ZMYM4: variants seen among roughly 807,000 people sequenced by gnomAD.
ZMYM4 encodes zinc finger MYM-type containing 4.
Under a neutral mutation model 183.2 loss-of-function variants are expected in ZMYM4, and 31 were observed. The observed-to-expected ratio is 0.17, with a 90% CI of 0.13 to 0.23. The LOEUF (loss-of-function observed/expected upper bound fraction) is 0.23, where lower values mean the gene tolerates loss of function less well. Among genes scored for constraint, ZMYM4 ranks in the 10% least tolerant of loss-of-function variants. The probability of loss-of-function intolerance (pLI) is 1.00; values close to 1 mark genes in which losing one functional copy is unlikely to be tolerated. For synonymous variants in ZMYM4, 592 were observed against 631.2 expected (o/e 0.94, Z 0.93); for missense variants, 1,273 against 1,840.3 (o/e 0.69, Z 5.64).
intron 1 of ZMYM4, among the ~76,000 whole-genome samples, chr1:35,323,927 G>A (rs1249052506): frequency 1.3e-5 from 2 of 152,118 alleles, no homozygotes; most frequent in Admixed American, 6.6e-5. Context: ...GGTAGGTGGA[G>A]TGACCTTCAC....
chr1:35,324,672 C>G (rs1490716952), intron 1 of ZMYM4, among the ~76,000 whole-genome samples: 2 of 152,138 alleles, frequency 1.3e-5, no homozygotes, highest in African/African-American at 2.4e-5. Flanking sequence ...CAAGGTTTAT[C>G]AAGAAGCAGC....
chr1:35,270,637 G>C (rs1639548743), intron 1 of ZMYM4, among the ~76,000 whole-genome samples: 1 of 152,160 alleles, frequency 6.6e-6, no homozygotes, highest in African/African-American at 2.4e-5. Flanking sequence ...GCGGGTGCCT[G>C]TAATCCCAGC....
intron 1 of ZMYM4, among the ~76,000 whole-genome samples, chr1:35,284,127 C>T (rs992824099): frequency 6.6e-6 from 1 of 151,864 alleles, no homozygotes; most frequent in Non-Finnish European, 1.5e-5. Context: ...CAGGTGCCCG[C>T]CACCGCGCCC....
At chr1:35,413,044 G>A (rs950383576) in intron 26 of ZMYM4, among the ~76,000 whole-genome samples, 5 of 151,848 alleles carry the variant, frequency 3.3e-5, no homozygotes, top group Admixed American at 6.6e-5. Context: ...GACCTGCGCC[G>A]TCAGTACTTT....
At chr1:35,381,888 T>C (rs1644465836) in intron 9 of ZMYM4, 130 bp downstream of exon 9, 5 of 1,136,586 alleles carry the variant, frequency 4.4e-6, no homozygotes, top group Non-Finnish European at 4.9e-6. Context: ...CTCACACCTG[T>C]AATCCCAGCA....
At chr1:35,417,244 A>G (rs1368426761) in intron 28 of ZMYM4, among the ~76,000 whole-genome samples, 2 of 151,782 alleles carry the variant, frequency 1.3e-5, no homozygotes, top group African/African-American at 4.8e-5. Context: ...CTCCCAAAAA[A>G]AAAAAAAAAA....
intron 15 of ZMYM4, among the ~76,000 whole-genome samples, chr1:35,391,199 G>C (rs1644697830): frequency 6.6e-6 from 1 of 152,166 alleles, no homozygotes; most frequent in African/African-American, 2.4e-5. Flanking sequence ...AGCAGAGAAG[G>C]GGAAGTCTGC....
chr1:35,274,816 C>T (rs74491319), intron 1 of ZMYM4, among the ~76,000 whole-genome samples: 5,164 of 151,946 alleles, frequency 0.034, 265 homozygotes, highest in East Asian at 0.24. Context: ...AATTATTGTC[C>T]CATTTTATAA....
intron 1 of ZMYM4, among the ~76,000 whole-genome samples, chr1:35,325,097 T>C (rs1314287898): frequency 6.6e-6 from 1 of 152,132 alleles, no homozygotes; most frequent in Non-Finnish European, 1.5e-5. Flanking sequence ...TTTTGTGACA[T>C]GAATGATTAA....
At chr1:35,361,347 G>T in intron 4 of ZMYM4, 92 bp downstream of exon 4, 1 of 1,270,054 alleles carries the variant, frequency 7.9e-7, no homozygotes, top group Admixed American at 2.6e-5. Flanking sequence ...AATGTATTAG[G>T]TAGAGCACTG....
chr1:35,345,722 C>T (rs1643368257), intron 2 of ZMYM4, among the ~76,000 whole-genome samples: 1 of 152,202 alleles, frequency 6.6e-6, no homozygotes, highest in Non-Finnish European at 1.5e-5. Context: ...GCTGGGATTA[C>T]AACCGTGAGC....
intron 7 of ZMYM4, among the ~76,000 whole-genome samples, chr1:35,375,531 T>C (rs1570470319): frequency 6.6e-6 from 1 of 152,238 alleles, no homozygotes; most frequent in Admixed American, 6.5e-5. Context: ...GGTTTCAATT[T>C]GATTTGAACA....
intron 1 of ZMYM4, among the ~76,000 whole-genome samples, chr1:35,276,096 C>T (rs973977531): frequency 6.6e-6 from 1 of 152,014 alleles, no homozygotes; most frequent in African/African-American, 2.4e-5. Context: ...CTTTGAGAAC[C>T]CAGCACATAT....
intron 2 of ZMYM4, among the ~76,000 whole-genome samples, chr1:35,357,616 T>C (rs1643864757): frequency 6.6e-6 from 1 of 152,214 alleles, no homozygotes; most frequent in Admixed American, 6.5e-5. Context: ...TGACAGAATT[T>C]GTCCAGGGGG....
At chr1:35,288,655 T>TTATA (rs1196192327) in intron 1 of ZMYM4, among the ~76,000 whole-genome samples, 1 of 152,164 alleles carries the variant, frequency 6.6e-6, no homozygotes, top group African/African-American at 2.4e-5. Flanking sequence ...ATGTATGTAT[T>TTATA]TATATATGTA....
chr1:35,399,841 T>G (rs1644871856), intron 23 of ZMYM4, among the ~76,000 whole-genome samples: 1 of 152,154 alleles, frequency 6.6e-6, no homozygotes, highest in African/African-American at 2.4e-5. Context: ...TTTTATGCTT[T>G]ATCTGTTTGA....
At chr1:35,373,640 A>C (rs1187124597) in intron 7 of ZMYM4, among the ~76,000 whole-genome samples, 2 of 140,662 alleles carry the variant, frequency 1.4e-5, no homozygotes, top group Non-Finnish European at 3.0e-5. Flanking sequence ...TGATCCACCC[A>C]CCTCAGCCTC....
intron 1 of ZMYM4, among the ~76,000 whole-genome samples, chr1:35,303,536 G>A (rs1158903588): frequency 6.6e-6 from 1 of 152,082 alleles, no homozygotes; most frequent in Non-Finnish European, 1.5e-5. Context: ...CTCCCAAGTG[G>A]CTGCGACTAT....
At chr1:35,332,289 C>G (rs983052941) in intron 2 of ZMYM4, among the ~76,000 whole-genome samples, 1 of 151,892 alleles carries the variant, frequency 6.6e-6, no homozygotes, top group African/African-American at 2.4e-5. Flanking sequence ...AATTTGCATT[C>G]TGATTACTGG....
Sources: gnomAD v4.1 joint callset for allele counts (sites outside exome capture counted in the v4.1 genomes callset) on GRCh38, gnomAD v4.1.1 for gene constraint, MANE v1.5 for transcripts, NCBI Gene and HGNC (gene_info 2026-07-23, HGNC 2026-07-21) for gene names.